EIF4E3: variants seen among roughly 807,000 people sequenced by gnomAD.
EIF4E3 encodes the protein eukaryotic translation initiation factor 4E type 3.
Under a neutral mutation model 31.7 loss-of-function variants are expected in EIF4E3, and 26 were observed. The observed-to-expected ratio is 0.82, with a 90% CI of 0.60 to 1.14. The LOEUF is 1.14. Ranked by LOEUF, EIF4E3 falls within the 50% of genes most tolerant of loss-of-function variation. The pLI, the probability that EIF4E3 is intolerant of heterozygous loss-of-function variation, is 0.00. For missense variants in EIF4E3, 304 were observed against 270.9 expected (o/e 1.12, Z -0.86); for synonymous variants, 128 against 107.7 (o/e 1.19, Z -1.17).
At chr3:71,662,133 C>T in the EIF4E3 span, among the ~76,000 whole-genome samples, 2 of 152,218 alleles carry the variant, frequency 1.3e-5, no homozygotes, top group Admixed American at 6.5e-5. Flanking sequence ...ACCACAAACA[C>T]TGGCCTCCAC....
chr3:71,687,426 A>C (rs957715101), intron 6 of EIF4E3, among the ~76,000 whole-genome samples: 14 of 152,230 alleles, frequency 9.2e-5, no homozygotes, highest in Non-Finnish European at 1.0e-4. Context: ...ATATTCATAT[A>C]ATTTTCATGT....
intron 1 of EIF4E3, among the ~76,000 whole-genome samples, chr3:71,712,400 C>T (rs983112717): frequency 6.6e-6 from 1 of 152,080 alleles, no homozygotes; most frequent in Non-Finnish European, 1.5e-5. Flanking sequence ...GGTTTTATAT[C>T]TTTTTCAGCT....
At chr3:71,718,309 T>A (rs562525706) in intron 1 of EIF4E3, among the ~76,000 whole-genome samples, 176 of 152,360 alleles carry the variant, frequency 1.2e-3, no homozygotes, top group Admixed American at 2.0e-3. Flanking sequence ...AAGAGTCGCA[T>A]ACAAAAATGG....
Position 71,676,031 on chromosome 3 carries a change from G to T in EIF4E3, c.*8651C>A, listed in dbSNP as rs1444127618. The T allele has an allele frequency of 6.6e-6, 1 of 152,170 alleles. No homozygotes were observed. The highest frequency in any genetic ancestry group is 1.5e-5 in the Non-Finnish European group (1 of 68,026). The allele number at this position is 152,170 out of a possible 1,614,324, so 9.4% of individuals were successfully genotyped here. ...GAGAACTAACCTCTATGCTTAGATG[G>T]CATGGAACTCCATACATGCTATTGT... is the stretch of plus-strand genomic sequence containing the variant. On this transcript the variant is annotated 3_prime_UTR_variant, in exon 7 of 7. Coordinates refer to ENST00000425534, the MANE Select transcript of EIF4E3 (RefSeq NM_001134651.2).
At position 71,699,727 on chromosome 3, in the gene EIF4E3, C is replaced by CA; in HGVS notation, c.250-20dup. 2 of 1,580,576 alleles carry CA rather than the reference C, an allele frequency of 1.3e-6. No homozygotes were observed. Among genetic ancestry groups the CA allele is most frequent in the Non-Finnish European group, 1.7e-6 (2 of 1,152,600 alleles). ...AAAATATCTTTAAAAGAAAAACAAACACTTTGTTTAATATACCCAGTATTG... is the reference window on the plus strand; with the variant it reads ...AAAATATCTTTAAAAGAAAAACAAACAACTTTGTTTAATATACCCAGTATTG... On this transcript the variant is annotated intron_variant, in intron 2 of 6. Coordinates refer to ENST00000425534, the MANE Select transcript of EIF4E3 (RefSeq NM_001134651.2).
At chr3:71,714,822 C>T (rs988035451) in intron 1 of EIF4E3, among the ~76,000 whole-genome samples, 3 of 152,224 alleles carry the variant, frequency 2.0e-5, no homozygotes, top group African/African-American at 7.2e-5. Context: ...CATGGCAACA[C>T]TGAAGCCTGG....
intron 1 of EIF4E3, among the ~76,000 whole-genome samples, chr3:71,713,979 G>C (rs2049420544): frequency 6.6e-6 from 1 of 152,108 alleles, no homozygotes; most frequent in African/African-American, 2.4e-5. Context: ...GGGAGGCCGA[G>C]GCAGTTGGAT....
chr3:71,754,440 G>A, upstream of EIF4E3: 3 of 1,349,194 alleles, frequency 2.2e-6, no homozygotes, highest in South Asian at 1.7e-5. The surrounding 1 kb of genome is among the most constrained non-coding windows in gnomAD (Gnocchi z 5.8). Flanking sequence ...CCGCTTCTAT[G>A]CAGAGCGCCT....
rs1017461739 is a variant in EIF4E3, at chr3:71,680,874, C to T, written c.*3808G>A. ...TGAACAATTCACAGGCAGTCCTCTA[C>T]TTTCACTTGTAATGAGTAAAATCTC... On this transcript the variant is annotated 3_prime_UTR_variant, in exon 7 of 7. Coordinates refer to ENST00000425534, the MANE Select transcript of EIF4E3 (RefSeq NM_001134651.2). The T allele has an allele frequency of 6.6e-6, 1 of 152,194 alleles. No individual in the cohort carries two copies. The highest frequency in any genetic ancestry group is 1.5e-5 in the Non-Finnish European group (1 of 68,022). The allele number at this position is 152,194 out of a possible 1,614,324, so 9.4% of individuals were successfully genotyped here.
intron 2 of EIF4E3, among the ~76,000 whole-genome samples, chr3:71,708,700 G>A (rs986025098): frequency 6.6e-6 from 1 of 152,106 alleles, no homozygotes; most frequent in South Asian, 2.1e-4. Flanking sequence ...ATGAGACTCT[G>A]AGAGCCTTTA....
chr3:71,693,371 T>C (rs1033200024), intron 5 of EIF4E3, among the ~76,000 whole-genome samples: 2 of 152,278 alleles, frequency 1.3e-5, no homozygotes, highest in African/African-American at 4.8e-5. Context: ...CCGACCACTC[T>C]AGTCCTCTTT....
intron 1 of EIF4E3, among the ~76,000 whole-genome samples, chr3:71,730,990 C>T (rs1000936835): frequency 6.6e-6 from 1 of 152,180 alleles, no homozygotes; most frequent in Admixed American, 6.5e-5. Flanking sequence ...TTCCAAAATG[C>T]TGGAATTACA....
intron 1 of EIF4E3, among the ~76,000 whole-genome samples, chr3:71,712,967 C>T (rs541648840): frequency 6.6e-6 from 1 of 151,730 alleles, no homozygotes. Context: ...GATAATTGTA[C>T]CAAGTTACAT....
In EIF4E3 at chr3:71,697,908, C is replaced by T. The variant is rs1203779824; in HGVS notation, c.345-1388G>A. Among the ~76,000 whole-genome samples the T allele has an allele frequency of 2.0e-5, 3 of 152,188 alleles. No homozygotes were observed. In the South Asian group the frequency reaches 6.2e-4, roughly 32 times the overall value. The stretch of plus-strand genomic sequence containing the variant: ...AGACATCTCTTCGACATACTGATTT[C>T]CTTTCTTTGGGGTATATATCTGGCA... On this transcript the variant is annotated intron_variant, in intron 3 of 6. Transcript: ENST00000425534.
At chr3:71,672,272 C>T (rs1157009489), downstream of EIF4E3, among the ~76,000 whole-genome samples, 1 of 152,174 alleles carries the variant, frequency 6.6e-6, no homozygotes, top group East Asian at 1.9e-4. Flanking sequence ...ACATAAAAGG[C>T]GAGATCTATA....
chr3:71,689,577 G>A (rs1475535634), intron 6 of EIF4E3, among the ~76,000 whole-genome samples: 1 of 152,118 alleles, frequency 6.6e-6, no homozygotes, highest in Non-Finnish European at 1.5e-5. Flanking sequence ...TCACGCCTGT[G>A]CTCAGAATGC....
upstream of EIF4E3, among the ~76,000 whole-genome samples, chr3:71,753,875 G>T (rs1248009082): frequency 6.7e-6 from 1 of 148,698 alleles, no homozygotes; most frequent in African/African-American, 2.4e-5. Flanking sequence ...TGGCGGCGGC[G>T]GCACAGCGGC....
intron 3 of EIF4E3, among the ~76,000 whole-genome samples, chr3:71,697,429 T>C (rs1424932931): frequency 6.6e-6 from 1 of 152,234 alleles, no homozygotes; most frequent in Non-Finnish European, 1.5e-5. Flanking sequence ...GTTAGGAACA[T>C]TCCAATTCTA....
chr3:71,730,669 G>A (rs1050761379), intron 1 of EIF4E3, among the ~76,000 whole-genome samples: 18 of 152,084 alleles, frequency 1.2e-4, no homozygotes, highest in Non-Finnish European at 2.2e-4. Context: ...TTGAGTTCTC[G>A]TCCTGATCTG....
Sources: allele counts gnomAD v4.1 joint callset (sites outside exome capture counted in the v4.1 genomes callset), GRCh38; gene constraint gnomAD v4.1.1; non-coding constraint Gnocchi (gnomAD v3.1); transcripts MANE v1.5; gene names NCBI Gene and HGNC (gene_info 2026-07-23, HGNC 2026-07-21).